The following PTPRD variants were observed in gnomAD, a reference collection of about 807,000 sequenced individuals.
PTPRD encodes the protein receptor-type tyrosine-protein phosphatase delta.
PTPRD carries 34 observed loss-of-function variants against 214.5 expected under a neutral mutation model. The observed-to-expected ratio is 0.16, with a 90% CI of 0.12 to 0.21. The LOEUF (loss-of-function observed/expected upper bound fraction) is 0.21. Ranked by LOEUF, PTPRD falls within the 10% of genes least tolerant of loss-of-function variation. PTPRD has a pLI of 1.00. For synonymous variants in PTPRD, 1,128 were observed against 845.7 expected (o/e 1.33, Z -5.79); for missense variants, 2,545 against 2,398.7 (o/e 1.06, Z -1.27).
intron 11 of PTPRD, among the ~76,000 whole-genome samples, chr9:9,011,769 T>C (rs1222425346): frequency 6.6e-6 from 1 of 152,332 alleles, no homozygotes; most frequent in African/African-American, 2.4e-5. Flanking sequence ...TTTTCAATTC[T>C]AGTTCAAAGT....
intron 5 of PTPRD, among the ~76,000 whole-genome samples, chr9:9,852,480 C>T (rs1476105212): frequency 1.3e-5 from 2 of 151,906 alleles, no homozygotes; most frequent in East Asian, 1.9e-4. Context: ...CCTATTTTAA[C>T]ATATATTTAA....
chr9:8,785,987 T>C lies in PTPRD; in HGVS notation c.-103-52041A>G, dbSNP rs1403485347. 2.6e-5 allele frequency among the ~76,000 whole-genome samples: 4 copies of C among 152,002 alleles called. No individual in the cohort carries two copies. In the South Asian group the frequency reaches 6.2e-4, roughly 24 times the overall value. ...CAGAATCACTTCCAATTGCTACAGA[T>C]AGATAACAAACACCAGACAGGCAGT... On this transcript the variant is annotated intron_variant, in intron 11 of 45. Coordinates refer to ENST00000381196, the MANE Select transcript of PTPRD (RefSeq NM_002839.4).
intron 14 of PTPRD, among the ~76,000 whole-genome samples, chr9:8,551,440 T>C (rs898265380): frequency 1.3e-5 from 2 of 152,288 alleles, no homozygotes; most frequent in African/African-American, 4.8e-5. Context: ...GATAAGAGAG[T>C]ATATGGCAGA....
At chr9:8,592,160 A>G (rs2094153469) in intron 14 of PTPRD, among the ~76,000 whole-genome samples, 1 of 152,194 alleles carries the variant, frequency 6.6e-6, no homozygotes, top group South Asian at 2.1e-4. Context: ...ACTTAATCAG[A>G]CAGATTTGTC....
At chr9:10,104,876 T>C (rs1009822072) in intron 3 of PTPRD, among the ~76,000 whole-genome samples, 7 of 151,876 alleles carry the variant, frequency 4.6e-5, no homozygotes, top group African/African-American at 1.4e-4. Context: ...TAGTCTCCTG[T>C]CGTGTTTCCT....
At chr9:9,441,150 A>C (rs1314117694) in intron 8 of PTPRD, among the ~76,000 whole-genome samples, 1 of 152,152 alleles carries the variant, frequency 6.6e-6, no homozygotes, top group Non-Finnish European at 1.5e-5. Context: ...CTACAGCTTA[A>C]GTGATACCAA....
intron 8 of PTPRD, among the ~76,000 whole-genome samples, chr9:9,506,306 G>A (rs762067125): frequency 1.1e-4 from 16 of 151,394 alleles, no homozygotes; most frequent in Non-Finnish European, 1.8e-4. Context: ...AAAATTTGTA[G>A]AAGCAGTAGA....
intron 9 of PTPRD, among the ~76,000 whole-genome samples, chr9:9,284,956 A>G (rs956468055): frequency 2.0e-5 from 3 of 151,794 alleles, no homozygotes; most frequent in African/African-American, 7.2e-5. Flanking sequence ...ATGTTAGACA[A>G]TGTCAAGCTA....
At chr9:10,410,270 T>TATATATATAC (rs532202941) in intron 2 of PTPRD, among the ~76,000 whole-genome samples, 45 of 139,846 alleles carry the variant, frequency 3.2e-4, no homozygotes, top group East Asian at 1.6e-3. Flanking sequence ...TATATATATA[T>TATATATATAC]ACACACACAC....
chr9:9,653,386 A>AAAAAG (rs2096422807), intron 7 of PTPRD, among the ~76,000 whole-genome samples: 2 of 133,792 alleles, frequency 1.5e-5, no homozygotes, highest in African/African-American at 5.6e-5. Context: ...AAAAAAAAAA[A>AAAAAG]GTGCCTCATT....
chr9:10,500,009 C>A (rs990255982), intron 2 of PTPRD, among the ~76,000 whole-genome samples: 7 of 151,700 alleles, frequency 4.6e-5, no homozygotes, highest in African/African-American at 1.7e-4. Flanking sequence ...TCTCTGTCCC[C>A]AAACCAAATA....
chr9:10,399,243 C>T (rs1357675549), intron 2 of PTPRD, among the ~76,000 whole-genome samples: 1 of 151,942 alleles, frequency 6.6e-6, no homozygotes, highest in East Asian at 1.9e-4. Context: ...ACTGATAAAG[C>T]TGTATTTATC....
At chr9:8,478,210 T>C (rs191619556) in intron 30 of PTPRD, among the ~76,000 whole-genome samples, 1 of 152,262 alleles carries the variant, frequency 6.6e-6, no homozygotes, top group East Asian at 1.9e-4. Flanking sequence ...CCTCAGTAAA[T>C]TGCAAAGTAC....
At chr9:9,931,157 A>G (rs556347117) in intron 5 of PTPRD, among the ~76,000 whole-genome samples, 1 of 152,244 alleles carries the variant, frequency 6.6e-6, no homozygotes, top group South Asian at 2.1e-4. Flanking sequence ...TTTTTCCTAT[A>G]GAAAAAAATT....
chr9:10,456,636 T>C (rs1588582849), intron 2 of PTPRD, among the ~76,000 whole-genome samples: 2 of 151,934 alleles, frequency 1.3e-5, no homozygotes, highest in East Asian at 3.8e-4. Flanking sequence ...CAGGCTTTGA[T>C]GCAGACTCAG....
At chr9:10,006,341 T>A (rs1289078304) in intron 4 of PTPRD, among the ~76,000 whole-genome samples, 1 of 152,048 alleles carries the variant, frequency 6.6e-6, no homozygotes, top group Non-Finnish European at 1.5e-5. Context: ...TTTTCATTGA[T>A]TTAATATATA....
intron 2 of PTPRD, among the ~76,000 whole-genome samples, chr9:10,496,785 C>T (rs943225822): frequency 2.0e-5 from 3 of 151,990 alleles, no homozygotes; most frequent in Non-Finnish European, 4.4e-5. Flanking sequence ...GGTACTTTGC[C>T]CACACTTTAA....
chr9:9,707,542 G>A (rs1186726238), intron 7 of PTPRD, among the ~76,000 whole-genome samples: 3 of 152,006 alleles, frequency 2.0e-5, no homozygotes, highest in African/African-American at 7.2e-5. Context: ...GAATAACAGC[G>A]TGATTATTGT....
intron 11 of PTPRD, among the ~76,000 whole-genome samples, chr9:8,962,527 A>T (rs2099164086): frequency 7.9e-6 from 1 of 126,560 alleles, no homozygotes; most frequent in Non-Finnish European, 1.8e-5. Context: ...GGAGAAAAGG[A>T]AGAAGAGAGA....
Sources: allele counts gnomAD v4.1 joint callset (sites outside exome capture counted in the v4.1 genomes callset), GRCh38; gene constraint gnomAD v4.1.1; transcripts MANE v1.5; gene names NCBI Gene and HGNC (gene_info 2026-07-23, HGNC 2026-07-21).